HSD17B12: variants seen among roughly 807,000 people sequenced by gnomAD.
HSD17B12 encodes the protein hydroxysteroid 17-beta dehydrogenase 12.
In HSD17B12, 32 loss-of-function variants were observed where a neutral mutation model predicts 39.3. That is an observed-to-expected ratio of 0.81 (90% confidence interval 0.61 to 1.09). The LOEUF is 1.09. Among genes scored for constraint, HSD17B12 ranks in the 50% least tolerant of loss-of-function variants. HSD17B12 has a pLI of 0.00. For missense variants in HSD17B12, 342 were observed against 382.9 expected, an observed-to-expected ratio of 0.89 and a Z score of 0.89; for synonymous variants, 150 against 146.7, an observed-to-expected ratio of 1.02 and a Z score of -0.16.
At chr11:43,603,885 T>C in the HSD17B12 span, among the ~76,000 whole-genome samples, 1 of 152,202 alleles carries the variant, frequency 6.6e-6, no homozygotes, top group Non-Finnish European at 1.5e-5. Context: ...ATATCAGAAT[T>C]TAATCCAAAT....
At chr11:43,621,953 C>T in the HSD17B12 span, among the ~76,000 whole-genome samples, 3 of 152,124 alleles carry the variant, frequency 2.0e-5, no homozygotes, top group Non-Finnish European at 4.4e-5. Context: ...AAATCCACAC[C>T]GAATGGTCTC....
chr11:43,798,095 A>C (rs1950930448), intron 3 of HSD17B12, among the ~76,000 whole-genome samples: 2 of 152,224 alleles, frequency 1.3e-5, no homozygotes, highest in African/African-American at 2.4e-5. Context: ...ACATTCAGCC[A>C]GCTCTCTGTG....
the HSD17B12 span, among the ~76,000 whole-genome samples, chr11:43,568,810 G>A: frequency 6.6e-6 from 1 of 152,206 alleles, no homozygotes; most frequent in Admixed American, 6.5e-5. Flanking sequence ...ATAAAATAAA[G>A]ACTGTGAAGC....
chr11:43,594,156 C>A, the HSD17B12 span, among the ~76,000 whole-genome samples: 1 of 152,138 alleles, frequency 6.6e-6, no homozygotes, highest in African/African-American at 2.4e-5. Flanking sequence ...CGATAGTTAA[C>A]TTTTTAAAAT....
the HSD17B12 span, among the ~76,000 whole-genome samples, chr11:43,577,515 G>C: frequency 6.6e-6 from 1 of 152,144 alleles, no homozygotes; most frequent in Non-Finnish European, 1.5e-5. Context: ...GCACCTTCCC[G>C]CCAGTGGGTT....
chr11:43,560,513 G>C, the HSD17B12 span, among the ~76,000 whole-genome samples: 2 of 152,154 alleles, frequency 1.3e-5, no homozygotes, highest in Admixed American at 6.5e-5. Context: ...GGTTCAAACA[G>C]AAAGCATGAC....
intron 3 of HSD17B12, among the ~76,000 whole-genome samples, chr11:43,764,685 T>A (rs899438492): frequency 1.3e-5 from 2 of 152,174 alleles, no homozygotes; most frequent in Admixed American, 6.5e-5. Flanking sequence ...CCCTCTTTAT[T>A]CTTGGTAATA....
intron 9 of HSD17B12, among the ~76,000 whole-genome samples, chr11:43,843,979 A>G (rs532398015): frequency 1.3e-5 from 2 of 152,168 alleles, no homozygotes; most frequent in African/African-American, 2.4e-5. Flanking sequence ...CTGGTTGTGC[A>G]TGGTCAAGCT....
chr11:43,842,192 C>T (rs1220961685), intron 9 of HSD17B12, among the ~76,000 whole-genome samples: 1 of 152,172 alleles, frequency 6.6e-6, no homozygotes, highest in Admixed American at 6.5e-5. Context: ...AGTTCCATTT[C>T]CTCCTTTATG....
chr11:43,848,955 A>G (rs888534969), intron 9 of HSD17B12, among the ~76,000 whole-genome samples: 6 of 152,142 alleles, frequency 3.9e-5, no homozygotes, highest in Admixed American at 1.3e-4. Context: ...TCCTACACCC[A>G]TCGTGGTTTA....
intron 3 of HSD17B12, among the ~76,000 whole-genome samples, chr11:43,793,068 A>T (rs1345944444): frequency 6.6e-6 from 1 of 152,168 alleles, no homozygotes; most frequent in Non-Finnish European, 1.5e-5. Context: ...CTCCCTGTTT[A>T]AGAAACAGAC....
At chr11:43,769,352 CAAAT>C (rs1950628108) in intron 3 of HSD17B12, among the ~76,000 whole-genome samples, 2 of 152,164 alleles carry the variant, frequency 1.3e-5, no homozygotes. Context: ...TGATTAAAAA[CAAAT>C]AGTCTTACAG....
At chr11:43,643,945 G>A in the HSD17B12 span, among the ~76,000 whole-genome samples, 1 of 152,214 alleles carries the variant, frequency 6.6e-6, no homozygotes, top group African/African-American at 2.4e-5. Context: ...ACTATGAGGA[G>A]TGCTCTAGAG....
chr11:43,791,581 C>T (rs1781517626), intron 3 of HSD17B12, among the ~76,000 whole-genome samples: 1 of 151,648 alleles, frequency 6.6e-6, no homozygotes. Flanking sequence ...GCCTTTTTCT[C>T]CCCTCAAAAA....
intron 1 of HSD17B12, among the ~76,000 whole-genome samples, chr11:43,729,657 G>C (rs766503339): frequency 3.3e-5 from 5 of 152,168 alleles, no homozygotes; most frequent in African/African-American, 7.2e-5. Flanking sequence ...CTTGAAGGGA[G>C]GAAAGTATGC....
chr11:43,623,329 CTCTT>C, the HSD17B12 span, among the ~76,000 whole-genome samples: 5 of 151,844 alleles, frequency 3.3e-5, no homozygotes, highest in African/African-American at 1.2e-4. Flanking sequence ...ATATTTTTAA[CTCTT>C]TCTAGTTAGC....
intron 9 of HSD17B12, among the ~76,000 whole-genome samples, chr11:43,847,137 C>T (rs1048843547): frequency 1.3e-5 from 2 of 152,122 alleles, no homozygotes; most frequent in South Asian, 4.1e-4. Context: ...GCAGTGCCAT[C>T]CTGTTTCTCA....
At chr11:43,789,796 G>A (rs1950849960) in intron 3 of HSD17B12, among the ~76,000 whole-genome samples, 1 of 152,046 alleles carries the variant, frequency 6.6e-6, no homozygotes, top group Non-Finnish European at 1.5e-5. Context: ...GATGGGCATG[G>A]TGGCATGCAC....
At chr11:43,806,918 C>T (rs939088391) in intron 4 of HSD17B12, among the ~76,000 whole-genome samples, 3 of 152,142 alleles carry the variant, frequency 2.0e-5, no homozygotes, top group Non-Finnish European at 4.4e-5. Context: ...CAAATTATCA[C>T]GTGTACCCTG....
Sources: allele counts gnomAD v4.1 joint callset (sites outside exome capture counted in the v4.1 genomes callset), GRCh38; gene constraint gnomAD v4.1.1; transcripts MANE v1.5; gene names NCBI Gene and HGNC (gene_info 2026-07-23, HGNC 2026-07-21).